TAFA1: variants seen among roughly 807,000 people sequenced by gnomAD.
TAFA1 encodes the protein chemokine-like protein TAFA-1.
Under a neutral mutation model 18.5 loss-of-function variants are expected in TAFA1, and 4 were observed. The ratio of observed to expected loss-of-function variants is 0.22; its 90% CI spans 0.11 to 0.49. TAFA1 has a LOEUF of 0.49. Ranked by LOEUF, TAFA1 falls within the 20% of genes least tolerant of loss-of-function variation. TAFA1 has a pLI of 0.98. For missense variants in TAFA1, 147 were observed against 169.0 expected (o/e 0.87, Z 0.72); for synonymous variants, 56 against 55.2 (o/e 1.01, Z -0.06).
chr3:68,120,255 TTC>T (rs373199456), intron 2 of TAFA1, among the ~76,000 whole-genome samples: 47 of 120,584 alleles, frequency 3.9e-4, no homozygotes, highest in African/African-American at 1.4e-3. Flanking sequence ...CTTTCTTTCT[TTC>T]TTTCTTTTTT....
chr3:68,484,982 C>G (rs1160268737), intron 3 of TAFA1, among the ~76,000 whole-genome samples: 1 of 152,110 alleles, frequency 6.6e-6, no homozygotes, highest in Non-Finnish European at 1.5e-5. Context: ...TTTAACCCAT[C>G]CTTTGATTAC....
At chr3:68,245,736 G>T (rs375944729) in intron 2 of TAFA1, among the ~76,000 whole-genome samples, 1 of 152,196 alleles carries the variant, frequency 6.6e-6, no homozygotes, top group East Asian at 1.9e-4. Flanking sequence ...ACCTTGAGCA[G>T]CTTCTAATTC....
Position 68,545,249 on chromosome 3 carries a change from A to G in TAFA1, c.*746A>G, listed in dbSNP as rs1221873324. ...TATTTTTAGAACTACTAGCTTTTCC[A>G]CTTAGAAGAAAATGAGGATTCTTAA... On this transcript the variant is annotated 3_prime_UTR_variant, in exon 5 of 5. Coordinates refer to ENST00000478136, the MANE Select transcript of TAFA1 (RefSeq NM_213609.4). 7 of 152,570 alleles carry G rather than the reference A, an allele frequency of 4.6e-5. No homozygotes were observed. 9.5% of individuals were successfully genotyped at this position (152,570 alleles called of 1,614,324 possible). A position where few individuals can be genotyped will look rare whatever the true frequency, so the allele number is the denominator to read the frequency against.
chr3:68,444,802 ATATATATAT>A (rs1322278522), intron 3 of TAFA1, among the ~76,000 whole-genome samples: 2 of 94,034 alleles, frequency 2.1e-5, no homozygotes, highest in African/African-American at 4.3e-5. Flanking sequence ...ATATATATAT[ATATATATAT>A]AAAATAAATT....
intron 2 of TAFA1, among the ~76,000 whole-genome samples, chr3:68,273,348 A>C (rs1182949758): frequency 6.6e-6 from 1 of 152,224 alleles, no homozygotes; most frequent in Admixed American, 6.5e-5. Flanking sequence ...GGAAGAGGCC[A>C]GATCACACGT....
intron 3 of TAFA1, among the ~76,000 whole-genome samples, chr3:68,456,978 G>C (rs1353777067): frequency 6.6e-6 from 1 of 152,170 alleles, no homozygotes; most frequent in Non-Finnish European, 1.5e-5. Flanking sequence ...CAAGGTTTAT[G>C]ATACTGCGCT....
chr3:68,518,980 C>T (rs977196643), intron 3 of TAFA1, among the ~76,000 whole-genome samples: 1 of 152,184 alleles, frequency 6.6e-6, no homozygotes, highest in Non-Finnish European at 1.5e-5. Context: ...TTTTAAATAT[C>T]AGTGATCTTT....
chr3:68,260,423 G>T (rs1454813237), intron 2 of TAFA1, among the ~76,000 whole-genome samples: 5 of 152,054 alleles, frequency 3.3e-5, no homozygotes, highest in Non-Finnish European at 7.4e-5. Flanking sequence ...TCTCTGCCAG[G>T]CTTTGGTATC....
chr3:68,154,341 C>G (rs1368092259), intron 2 of TAFA1, among the ~76,000 whole-genome samples: 1 of 152,142 alleles, frequency 6.6e-6, no homozygotes, highest in Non-Finnish European at 1.5e-5. Flanking sequence ...CTGCAAGATC[C>G]CACCTTTACT....
intron 3 of TAFA1, among the ~76,000 whole-genome samples, chr3:68,465,865 A>T (rs1559681018): frequency 6.8e-6 from 1 of 146,436 alleles, no homozygotes. Context: ...TTGGGGAATA[A>T]GTTACCAAAA....
intron 2 of TAFA1, among the ~76,000 whole-genome samples, chr3:68,075,698 CTTT>C (rs61592269): frequency 3.3e-4 from 46 of 139,404 alleles, no homozygotes; most frequent in Non-Finnish European, 3.7e-4. Context: ...TCTTCTTTCC[CTTT>C]TTTTTTTTTT....
intron 3 of TAFA1, among the ~76,000 whole-genome samples, chr3:68,525,389 T>G (rs2073094743): frequency 6.6e-6 from 1 of 152,202 alleles, no homozygotes; most frequent in Non-Finnish European, 1.5e-5. Context: ...TCTGCTATGC[T>G]TTTATATAGT....
intron 3 of TAFA1, among the ~76,000 whole-genome samples, chr3:68,438,189 C>G (rs2071299642): frequency 6.6e-6 from 1 of 152,042 alleles, no homozygotes; most frequent in Non-Finnish European, 1.5e-5. Flanking sequence ...AAAACCCTGT[C>G]TCTACTAAAA....
chr3:68,379,934 A>G (rs188365249), intron 2 of TAFA1, among the ~76,000 whole-genome samples: 32 of 150,528 alleles, frequency 2.1e-4, no homozygotes, highest in Middle Eastern at 6.9e-3. Context: ...ACCCCACAAC[A>G]GTCCCCAATG....
chr3:68,228,972 A>T (rs571124379), intron 2 of TAFA1, among the ~76,000 whole-genome samples: 50 of 152,310 alleles, frequency 3.3e-4, no homozygotes, highest in African/African-American at 1.1e-3. Context: ...CTCTTGAAGA[A>T]TTCATTCTGC....
At chr3:68,460,642 C>G (rs1483093364) in intron 3 of TAFA1, among the ~76,000 whole-genome samples, 1 of 152,160 alleles carries the variant, frequency 6.6e-6, no homozygotes, top group African/African-American at 2.4e-5. Context: ...CCCAGAGAAA[C>G]AGAGAGTGAA....
At chr3:68,521,876 T>TTTTTTTG (rs2073031712) in intron 3 of TAFA1, among the ~76,000 whole-genome samples, 1 of 145,016 alleles carries the variant, frequency 6.9e-6, no homozygotes, top group Non-Finnish European at 1.5e-5. Flanking sequence ...TTTTTTTTTT[T>TTTTTTTG]GGAGATAGGG....
At chr3:68,541,226 G>A (rs1575965298) in intron 4 of TAFA1, among the ~76,000 whole-genome samples, 1 of 152,138 alleles carries the variant, frequency 6.6e-6, no homozygotes, top group Non-Finnish European at 1.5e-5. Context: ...AACCTTCAGA[G>A]GACTCAAATG....
At chr3:68,297,840 ATATTC>A (rs2068238060) in intron 2 of TAFA1, among the ~76,000 whole-genome samples, 1 of 151,728 alleles carries the variant, frequency 6.6e-6, no homozygotes, top group South Asian at 2.1e-4. Context: ...TTGTAAGTTA[ATATTC>A]TATTTATTTT....
Sources: gnomAD v4.1 joint callset for allele counts (sites outside exome capture counted in the v4.1 genomes callset) on GRCh38, gnomAD v4.1.1 for gene constraint, MANE v1.5 for transcripts, NCBI Gene and HGNC (gene_info 2026-07-23, HGNC 2026-07-21) for gene names.